FMN2: variants seen among roughly 807,000 people sequenced by gnomAD.
FMN2 encodes the protein formin 2, also known as formin-2.
A neutral mutation model predicts 142.3 loss-of-function variants in FMN2; 51 were observed. The ratio of observed to expected loss-of-function variants is 0.36; its 90% CI spans 0.29 to 0.45. FMN2 has a LOEUF of 0.45. FMN2 is among the 20% of genes least tolerant of loss of function. The pLI, the probability that FMN2 is intolerant of heterozygous loss-of-function variation, is 1.00. For synonymous variants in FMN2, 882 were observed against 869.8 expected (o/e 1.01, Z -0.25); for missense variants, 1,936 against 2,122.8 (o/e 0.91, Z 1.73).
chr1:240,331,956 A>G (rs1329258032), intron 11 of FMN2, among the ~76,000 whole-genome samples: 3 of 152,186 alleles, frequency 2.0e-5, no homozygotes, highest in African/African-American at 7.2e-5. Flanking sequence ...TTTCTACTGA[A>G]TGCGTATCAC....
intron 16 of FMN2, among the ~76,000 whole-genome samples, chr1:240,444,901 G>C (rs1301616230): frequency 6.6e-6 from 1 of 152,194 alleles, no homozygotes. Flanking sequence ...TACTCTTATG[G>C]AATAACGTAC....
intron 15 of FMN2, chr1:240,400,791 T>TCCC (rs201140847): frequency 1.3e-5 from 2 of 151,856 alleles, no homozygotes; most frequent in African/African-American, 4.9e-5. Flanking sequence ...CTTTCTTTAC[T>TCCC]TCCCCCCGAC....
chr1:240,396,456 C>G (rs770729835), intron 15 of FMN2, among the ~76,000 whole-genome samples: 2 of 145,318 alleles, frequency 1.4e-5, no homozygotes, highest in Non-Finnish European at 3.0e-5. Flanking sequence ...TTTTTTTTTT[C>G]TCTTTATAAA....
chr1:240,319,430 C>T lies in FMN2; in HGVS notation c.4216-9646C>T, dbSNP rs148611912. ...TTTCTGTCTGTCTGTCTTAGACACA[C>T]ACAAATGCACACGTTTTGTGAGAAA... is the stretch of plus-strand genomic sequence containing the variant. On this transcript the variant is annotated intron_variant, in intron 8 of 17. Coordinates refer to ENST00000319653, the MANE Select transcript of FMN2 (RefSeq NM_020066.5). Among the ~76,000 whole-genome samples, 482 of 152,310 alleles carry T rather than the reference C, an allele frequency of 3.2e-3. 5 individuals carry two copies. The highest frequency in any genetic ancestry group is 2.8e-3 in the Non-Finnish European group (190 of 68,026).
At chr1:240,241,120 A>G (rs1667880586) in intron 6 of FMN2, among the ~76,000 whole-genome samples, 1 of 152,206 alleles carries the variant, frequency 6.6e-6, no homozygotes, top group South Asian at 2.1e-4. Flanking sequence ...TGTGAAATTT[A>G]GAAATGCAAC....
At chr1:240,117,312 TACATGAG>T (rs1295501726) in intron 1 of FMN2, among the ~76,000 whole-genome samples, 1 of 152,204 alleles carries the variant, frequency 6.6e-6, no homozygotes, top group East Asian at 1.9e-4. Flanking sequence ...AGTGGAAGCT[TACATGAG>T]AACCCACAGC....
At chr1:240,279,533 T>C (rs1055771552) in intron 7 of FMN2, among the ~76,000 whole-genome samples, 6 of 152,166 alleles carry the variant, frequency 3.9e-5, no homozygotes, top group African/African-American at 1.4e-4. Flanking sequence ...GAAAATTCCC[T>C]TAGCAGTCCA....
chr1:240,257,371 A>G (rs1668481037), intron 6 of FMN2, among the ~76,000 whole-genome samples: 1 of 152,162 alleles, frequency 6.6e-6, no homozygotes, highest in South Asian at 2.1e-4. Flanking sequence ...TCTCCCCAAA[A>G]TGTGGGTCAA....
At chr1:240,441,802 C>G (rs1675630940) in intron 16 of FMN2, among the ~76,000 whole-genome samples, 1 of 152,102 alleles carries the variant, frequency 6.6e-6, no homozygotes, top group East Asian at 1.9e-4. Flanking sequence ...TATTTGCTGA[C>G]TTGTTGCATC....
intron 2 of FMN2, 132 bp downstream of exon 2, chr1:240,123,477 T>A: frequency 1.6e-5 from 8 of 494,906 alleles, no homozygotes; most frequent in Non-Finnish European, 2.5e-5. Flanking sequence ...CCTTAGCTGC[T>A]CAACAGCTCG....
intron 2 of FMN2, among the ~76,000 whole-genome samples, chr1:240,174,886 G>A (rs1298620586): frequency 6.6e-6 from 1 of 152,142 alleles, no homozygotes; most frequent in Non-Finnish European, 1.5e-5. Context: ...CCAATTCAGT[G>A]TTGTTATGTA....
At chr1:240,210,426 C>T (rs1380436809) in intron 5 of FMN2, among the ~76,000 whole-genome samples, 1 of 152,174 alleles carries the variant, frequency 6.6e-6, no homozygotes, top group East Asian at 1.9e-4. Flanking sequence ...ATATCGGGGG[C>T]AAGAATCTGT....
chr1:240,474,291 ACAGTT>A lies in FMN2; in HGVS notation c.*140_*144del. On this transcript the variant is annotated 3_prime_UTR_variant, in exon 18 of 18. Transcript: ENST00000319653. ...CTTGCATAATCTTTTTGTTTTCTAG[ACAGTT>A]CACTAATTGTTGAATTTTACTGTAT... The A allele has an allele frequency of 1.3e-6, 1 of 762,670 alleles. No individual in the cohort carries two copies. The highest frequency in any genetic ancestry group is 2.4e-5 in the South Asian group (1 of 42,474). 47.2% of individuals were successfully genotyped at this position (762,670 alleles called of 1,614,324 possible).
chr1:240,110,358 C>A (rs1435652390), intron 1 of FMN2, among the ~76,000 whole-genome samples: 1 of 152,218 alleles, frequency 6.6e-6, no homozygotes, highest in Admixed American at 6.5e-5. Context: ...CTTCACAGAG[C>A]TGACAGTAGA....
Position 240,093,089 on chromosome 1 carries a change from A to C in FMN2, c.980A>C (p.Glu327Ala). Residue 327 changes from glutamate to alanine, a missense_variant, in exon 1 of 18, where the codon GAG becomes GCG. Around this residue, in one of 8 missense-constraint regions of FMN2, gnomAD observed 751 missense variants for 791.8 expected, o/e 0.95. Coordinates refer to ENST00000319653, the MANE Select transcript of FMN2 (RefSeq NM_020066.5). ...TCCTCCACGGCTTTCCCATTTCCCG[A>C]GGCCGGGCCGGGGGAGGAAGCGGCC... The part of the protein sequence containing the change: ...SPSSTAFPFP[E>A]AGPGEEAAGA... 7.2e-7 allele frequency: 1 copy of C among 1,393,366 alleles called. No homozygotes were observed. The highest frequency in any genetic ancestry group is 9.2e-7 in the Non-Finnish European group (1 of 1,082,872). 86.3% of individuals were successfully genotyped at this position (1,393,366 alleles called of 1,614,324 possible).
In FMN2 at chr1:240,409,067, G is replaced by T. The variant is rs79798252; in HGVS notation, c.4910+16505G>T. ...TGTATTTGAAATATTTGTTTTGTCC[G>T]GTGCCCTATTTAAGTGGCTAAGCCG... On this transcript the variant is annotated intron_variant, in intron 15 of 17. Transcript: ENST00000319653. Among the ~76,000 whole-genome samples, 997 of 152,140 alleles carry T rather than the reference G, an allele frequency of 6.6e-3. 8 individuals are homozygous for T. The highest frequency in any genetic ancestry group is 0.023 in the African/African-American group (950 of 41,498).
At chr1:240,328,677 C>G (rs1356958674) in intron 8 of FMN2, among the ~76,000 whole-genome samples, 1 of 152,040 alleles carries the variant, frequency 6.6e-6, no homozygotes, top group Non-Finnish European at 1.5e-5. Context: ...GCAACCTCCT[C>G]CTCCCAGGTT....
intron 14 of FMN2, among the ~76,000 whole-genome samples, chr1:240,378,982 C>G (rs977720339): frequency 2.0e-5 from 3 of 152,166 alleles, no homozygotes; most frequent in African/African-American, 7.2e-5. Context: ...TTTCCTGATA[C>G]TTGGTTGGTC....
chr1:240,226,528 G>A (rs1287437974), intron 6 of FMN2, among the ~76,000 whole-genome samples: 1 of 152,122 alleles, frequency 6.6e-6, no homozygotes, highest in Non-Finnish European at 1.5e-5. Flanking sequence ...TCAAGAAACA[G>A]TAAAGAAAGT....
Sources: gnomAD v4.1 joint callset for allele counts (sites outside exome capture counted in the v4.1 genomes callset) on GRCh38, gnomAD v4.1.1 for gene constraint, gnomAD v4.1.1 regional missense constraint, MANE v1.5 for transcripts, NCBI Gene and HGNC (gene_info 2026-07-23, HGNC 2026-07-21) for gene names.